TRIO: variants seen among roughly 807,000 people sequenced by gnomAD.
The protein encoded by TRIO is trio Rho guanine nucleotide exchange factor.
A neutral mutation model predicts 351.9 loss-of-function variants in TRIO; 58 were observed. The observed-to-expected ratio is 0.16, with a 90% CI of 0.13 to 0.21. The LOEUF (loss-of-function observed/expected upper bound fraction) is 0.21. Among genes scored for constraint, TRIO ranks in the 10% least tolerant of loss-of-function variants. The probability of loss-of-function intolerance (pLI) is 1.00; values close to 1 mark genes in which losing one functional copy is unlikely to be tolerated. For synonymous variants in TRIO, 1,758 were observed against 1,595.7 expected, an observed-to-expected ratio of 1.10 and a Z score of -2.42; for missense variants, 3,201 against 4,027.8, an observed-to-expected ratio of 0.79 and a Z score of 5.56.
chr5:14,397,104 T>A lies in TRIO; in HGVS notation c.4373T>A (p.Leu1458His). 1 of 1,609,986 alleles carries A rather than the reference T, an allele frequency of 6.2e-7. No homozygotes were observed. The highest frequency in any genetic ancestry group is 1.1e-5 in the South Asian group (1 of 89,230). The change falls in exon 29 of 57, where the codon CTC becomes CAC. Residue 1458 changes from leucine to histidine, a missense_variant. By Grantham distance (99) the Leu-to-His change is moderately conservative. This residue lies in a region of TRIO where 115 missense variants were observed against 239.6 expected (regional missense o/e 0.48). Transcript: ENST00000344204. ...GEIKDGLEVM[L>H]SVPKRANDAM... ...ATTAAAGATGGCCTGGAGGTGATGC[T>A]CAGCGTGCCGAAGCGAGCCAATGAT...
intron 34 of TRIO, among the ~76,000 whole-genome samples, chr5:14,434,222 A>G (rs1751406449): frequency 6.6e-6 from 1 of 152,204 alleles, no homozygotes; most frequent in Admixed American, 6.5e-5. Context: ...AAATACTTTA[A>G]TTTTCACGAA....
Position 14,492,710 on chromosome 5 carries a change from C to T in TRIO, c.7776C>T (p.Phe2592=). The T allele has an allele frequency of 6.2e-7, 1 of 1,614,006 alleles. No homozygotes were observed. Residue 2592 remains phenylalanine (F), a synonymous_variant, in exon 49 of 57, where the codon TTC becomes TTT. Coordinates refer to ENST00000344204, the MANE Select transcript of TRIO (RefSeq NM_007118.4). ...ACCAGCAGAACATGTTTCTGGTGTTCCGAGCCGCCACTGACCAGTGCCCCG... is the reference window on the plus strand; with the variant it reads ...ACCAGCAGAACATGTTTCTGGTGTTTCGAGCCGCCACTGACCAGTGCCCCG... ...ASNQQNMFLV[F]RAATDQCPAA... is the part of the protein sequence containing the mutation.
chr5:14,397,351 G>C (rs1440825234), intron 29 of TRIO, 197 bp downstream of exon 29: 5 of 515,226 alleles, frequency 9.7e-6, no homozygotes, highest in Non-Finnish European at 3.4e-6. Flanking sequence ...AGCCTTTTCT[G>C]GTCCCTTCAC....
At chr5:14,280,123 C>T (rs1320515722) in intron 2 of TRIO, among the ~76,000 whole-genome samples, 199 bp from the exon 3 acceptor site, 2 of 152,206 alleles carry the variant, frequency 1.3e-5, no homozygotes, top group East Asian at 1.9e-4. Context: ...TCCATGTGGC[C>T]TGCAGAGCTC....
At chr5:14,205,484 C>A (rs1791398870) in intron 1 of TRIO, among the ~76,000 whole-genome samples, 1 of 152,130 alleles carries the variant, frequency 6.6e-6, no homozygotes, top group African/African-American at 2.4e-5. Context: ...TATCTTGTAT[C>A]TGAAGTTCCT....
intron 1 of TRIO, among the ~76,000 whole-genome samples, chr5:14,202,498 C>T (rs1791198914): frequency 6.6e-6 from 1 of 151,368 alleles, no homozygotes; most frequent in Non-Finnish European, 1.5e-5. Flanking sequence ...ACCAGTATCT[C>T]CATTTGATAT....
rs56051871 is a variant in TRIO at position 14,389,290 on chromosome 5, C to T, written c.3950C>T (p.Thr1317Met). Residue 1317 changes from threonine (T) to methionine (M), a missense_variant and splice_region_variant, in exon 25 of 57, where the codon ACG (threonine) becomes ATG (methionine). Coordinates refer to ENST00000344204, the MANE Select transcript of TRIO (RefSeq NM_007118.4). ...YVRDLRECMDTYLWEMTSGVE... is the reference protein window; with the variant it reads ...YVRDLRECMDMYLWEMTSGVE... ...AATCCCTGTTTCCCTCTCGGCTAGA[C>T]GTACCTGTGGGAAATGACCAGTGGC... 11 of 1,606,112 alleles carry T rather than the reference C, an allele frequency of 6.8e-6. No homozygotes were observed. Among genetic ancestry groups the T allele is most frequent in the South Asian group, 2.2e-5 (2 of 89,312 alleles).
chr5:14,439,760 T>TA (rs1173711977), intron 34 of TRIO, among the ~76,000 whole-genome samples: 1 of 152,216 alleles, frequency 6.6e-6, no homozygotes, highest in African/African-American at 2.4e-5. Flanking sequence ...AAAACAACCT[T>TA]ACGCTTTGCT....
At chr5:14,270,392 A>G (rs1399965414) in intron 1 of TRIO, among the ~76,000 whole-genome samples, 3 of 152,212 alleles carry the variant, frequency 2.0e-5, no homozygotes, top group Non-Finnish European at 2.9e-5. Flanking sequence ...TGATGGAATG[A>G]GGCATTGAGC....
intron 21 of TRIO, 71 bp from the exon 22 acceptor site, chr5:14,387,367 C>T: frequency 5.4e-6 from 8 of 1,482,048 alleles, no homozygotes; most frequent in Admixed American, 2.1e-5. Context: ...GGAGTCAAGT[C>T]GCCACTGTGT....
chr5:14,422,589 C>T (rs1750266479), intron 34 of TRIO, among the ~76,000 whole-genome samples: 1 of 152,238 alleles, frequency 6.6e-6, no homozygotes, highest in Non-Finnish European at 1.5e-5. Context: ...GAGCCGTGCT[C>T]AGGTTCACGT....
At chr5:14,435,179 G>C (rs190801891) in intron 34 of TRIO, among the ~76,000 whole-genome samples, 106 of 152,298 alleles carry the variant, frequency 7.0e-4, no homozygotes, top group Non-Finnish European at 1.4e-3. Context: ...TGGTTTGAAG[G>C]CTGAGTACAG....
chr5:14,154,367 C>T (rs895945014), intron 1 of TRIO, among the ~76,000 whole-genome samples: 5 of 152,124 alleles, frequency 3.3e-5, no homozygotes, highest in Non-Finnish European at 4.4e-5. Flanking sequence ...GAGGGCACCA[C>T]GGAGCTGCCT....
chr5:14,286,803 T>C lies in TRIO; in HGVS notation c.348-68T>C. 2 of 1,536,652 alleles carry C rather than the reference T, an allele frequency of 1.3e-6. No individual in the cohort carries two copies. On this transcript the variant is annotated intron_variant, in intron 3 of 56. Coordinates refer to ENST00000344204, the MANE Select transcript of TRIO (RefSeq NM_007118.4). The surrounding 1 kb of genome is among the most constrained non-coding windows in gnomAD (Gnocchi z 4.4). ...GGGAAGCTGGGTCTGTGGCACCCAG[T>C]GGGACTCTGACCAGGCAGAGTGGCA... is the stretch of plus-strand genomic sequence containing the variant.
At chr5:14,223,934 C>T (rs949519946) in intron 1 of TRIO, among the ~76,000 whole-genome samples, 10 of 152,128 alleles carry the variant, frequency 6.6e-5, no homozygotes, top group Non-Finnish European at 1.5e-5. Flanking sequence ...CAAGTGATTA[C>T]ATTTGTTATG....
intron 1 of TRIO, among the ~76,000 whole-genome samples, chr5:14,154,413 T>TATATATA (rs1787991419): frequency 6.6e-6 from 1 of 152,132 alleles, no homozygotes; most frequent in African/African-American, 2.4e-5. Flanking sequence ...TTGTGGTCAC[T>TATATATA]CCTGGTTTTG....
rs559641596 is a variant in TRIO at position 14,451,529 on chromosome 5, T to C, written c.5204-9490T>C. On this transcript the variant is annotated intron_variant, in intron 34 of 56. Coordinates refer to ENST00000344204, the MANE Select transcript of TRIO (RefSeq NM_007118.4). ...TTTCACATTTGCCTTACAGCCTCCC[T>C]TGTATGGTGGAAGAACTTCCTGAAT... is the stretch of plus-strand genomic sequence containing the variant. Among the ~76,000 whole-genome samples, 12 of 152,348 alleles carry C rather than the reference T, an allele frequency of 7.9e-5. No homozygotes were observed. The South Asian group carries it at 1.0e-3, about 13-fold the overall frequency.
At chr5:14,394,491 G>T (rs964797306) in intron 28 of TRIO, among the ~76,000 whole-genome samples, 1 of 152,122 alleles carries the variant, frequency 6.6e-6, no homozygotes, top group African/African-American at 2.4e-5. Flanking sequence ...TAGTCTGCAG[G>T]CATGGAAACT....
intron 1 of TRIO, among the ~76,000 whole-genome samples, chr5:14,166,928 T>C (rs1231849229): frequency 6.6e-6 from 1 of 152,150 alleles, no homozygotes; most frequent in Admixed American, 6.5e-5. Context: ...TGTTGGGCTG[T>C]GTTCACTTGG....
Sources: allele counts gnomAD v4.1 joint callset (sites outside exome capture counted in the v4.1 genomes callset), GRCh38; gene constraint gnomAD v4.1.1; regional missense constraint gnomAD v4.1.1; non-coding constraint Gnocchi (gnomAD v3.1); transcripts MANE v1.5; gene names NCBI Gene and HGNC (gene_info 2026-07-23, HGNC 2026-07-21).